The following DCDC2C variants were observed in gnomAD, a reference collection of about 807,000 sequenced individuals.
DCDC2C encodes the protein doublecortin domain-containing protein 2C.
In DCDC2C, 44 loss-of-function variants were observed where a neutral mutation model predicts 45.0. The observed-to-expected ratio is 0.98, with a 90% CI of 0.77 to 1.26. DCDC2C has a LOEUF of 1.26. Among genes scored for constraint, DCDC2C ranks in the 50% most tolerant of loss-of-function variants. The pLI is 0.00. For missense variants in DCDC2C, 447 were observed against 468.9 expected, an observed-to-expected ratio of 0.95 and a Z score of 0.43; for synonymous variants, 187 against 178.8, an observed-to-expected ratio of 1.05 and a Z score of -0.37.
chr2:3,816,255 G>A (rs558675310), intron 10 of DCDC2C, among the ~76,000 whole-genome samples: 2 of 152,256 alleles, frequency 1.3e-5, no homozygotes, highest in African/African-American at 4.8e-5. Context: ...AGAAAAACAG[G>A]AATTAAAGGA....
chr2:3,827,202 G>A (rs1671843732), intron 10 of DCDC2C, among the ~76,000 whole-genome samples: 1 of 152,198 alleles, frequency 6.6e-6, no homozygotes, highest in Non-Finnish European at 1.5e-5. Context: ...GAGGCTGGAA[G>A]GGGAAGAGAT....
Position 3,727,037 on chromosome 2 carries a change from C to T in DCDC2C, c.374C>T (p.Pro125Leu), listed in dbSNP as rs1404746742. ...GTGGTGCATTGTGATATAAATGTGCCTTCCAAGTGGCAAACATATCATCGT... is the reference window on the plus strand; with the variant it reads ...GTGGTGCATTGTGATATAAATGTGCTTTCCAAGTGGCAAACATATCATCGT... Reference protein sequence around the residue: ...KPVVHCDINVPSKWQTYHRIS... With the variant: ...KPVVHCDINVLSKWQTYHRIS... The change falls in exon 3 of 11, where the codon CCT (proline) becomes CTT (leucine). Residue 125 changes from proline to leucine, a missense_variant. Transcript: ENST00000399143. 6.5e-7 allele frequency: 1 copy of T among 1,550,324 alleles called. No homozygotes were observed. Among genetic ancestry groups the T allele is most frequent in the African/African-American group, 1.4e-5 (1 of 72,994 alleles).
intron 10 of DCDC2C, among the ~76,000 whole-genome samples, chr2:3,826,023 T>C (rs1671807841): frequency 6.6e-6 from 1 of 152,184 alleles, no homozygotes; most frequent in African/African-American, 2.4e-5. Flanking sequence ...GAGGGTCTTT[T>C]AAGAAAAAGT....
intron 1 of DCDC2C, among the ~76,000 whole-genome samples, chr2:3,705,326 A>G (rs1028527317): frequency 1.3e-5 from 2 of 152,220 alleles, no homozygotes; most frequent in African/African-American, 4.8e-5. Context: ...ATTTATTACT[A>G]TGATAATCCT....
chr2:3,709,885 T>C (rs1444698879), intron 2 of DCDC2C, among the ~76,000 whole-genome samples: 2 of 152,196 alleles, frequency 1.3e-5, no homozygotes, highest in Admixed American at 6.5e-5. Flanking sequence ...ACTTCTTGTT[T>C]TCTAGTAGAG....
Position 3,742,003 on chromosome 2 carries a change from T to C in DCDC2C, c.500T>C (p.Leu167Pro). ...AGTCTGTCCGATTGGGACATCGTGC[T>C]GGCCACGATCGGAGAAAAAGTCTTC... is the stretch of plus-strand genomic sequence containing the variant. ...KFSLSDWDIV[L>P]ATIGEKVFPL... is the part of the protein sequence containing the mutation. Residue 167 changes from leucine (L) to proline (P), a missense_variant, in exon 4 of 11, where the codon CTG becomes CCG. Physicochemically the swap from Leu to Pro is moderately conservative, Grantham distance 98. Transcript: ENST00000399143. 1.3e-6 allele frequency: 2 copies of C among 1,548,520 alleles called. No homozygotes were observed. The highest frequency in any genetic ancestry group is 1.2e-5 in the South Asian group (1 of 83,200).
intron 4 of DCDC2C, among the ~76,000 whole-genome samples, chr2:3,743,285 G>C (rs1390437198): frequency 6.6e-6 from 1 of 152,062 alleles, no homozygotes; most frequent in Non-Finnish European, 1.5e-5. Flanking sequence ...TGAAGGGAGA[G>C]GTAGACAGCA....
At chr2:3,806,324 G>A (rs1030232582) in intron 10 of DCDC2C, among the ~76,000 whole-genome samples, 8 of 152,182 alleles carry the variant, frequency 5.3e-5, no homozygotes, top group Admixed American at 1.3e-4. Context: ...GAATCCCCAC[G>A]GTTGCTACTG....
Position 3,747,773 on chromosome 2 carries a change from G to A in DCDC2C, c.546-4990G>A, listed in dbSNP as rs149929575. Among the ~76,000 whole-genome samples the A allele has an allele frequency of 2.0e-3, 300 of 152,324 alleles. 2 individuals are homozygous for A. Among genetic ancestry groups the A allele is most frequent in the African/African-American group, 6.9e-3 (285 of 41,576 alleles). On this transcript the variant is annotated intron_variant, in intron 4 of 10. Coordinates refer to ENST00000399143, the MANE Select transcript of DCDC2C (RefSeq NM_001287444.2). Reference sequence around the variant, plus strand: ...TTCCATCTAAGCCCTGAGGGGATGGGGTGAGTATGGTCCTCACAGGGCAGA... The same window carrying A: ...TTCCATCTAAGCCCTGAGGGGATGGAGTGAGTATGGTCCTCACAGGGCAGA...
intron 4 of DCDC2C, 51 bp from the exon 5 acceptor site, chr2:3,752,712 A>T: frequency 1.3e-6 from 2 of 1,543,722 alleles, no homozygotes; most frequent in South Asian, 2.4e-5. Flanking sequence ...CCCAAGCCCT[A>T]TGCTACTGGT....
rs114180540 is a variant in DCDC2C, at chr2:3,703,917, G to C, written c.166G>C (p.Val56Leu). 3.7e-6 allele frequency: 5 copies of C among 1,340,114 alleles called. No individual in the cohort carries two copies. The East Asian group carries it at 1.6e-4, about 42-fold the overall frequency. The allele number at this position is 1,340,114 out of a possible 1,614,324, so 83.0% of individuals were successfully genotyped here. A position where few individuals can be genotyped will look rare whatever the true frequency, so the allele number is the denominator to read the frequency against. The change falls in exon 1 of 11, where the codon GTC (valine) becomes CTC (leucine). Residue 56 changes from valine (V) to leucine (L), a missense_variant. Val to Leu is a conservative substitution (Grantham distance 32). Coordinates refer to ENST00000399143, the MANE Select transcript of DCDC2C (RefSeq NM_001287444.2). The surrounding 1 kb of genome is among the most constrained non-coding windows in gnomAD (Gnocchi z 4.4). Reference protein sequence around the residue: ...LLEQLTEQVDVPFGVRRLFTP... With the variant: ...LLEQLTEQVDLPFGVRRLFTP... ...GGAGCAGCTCACGGAGCAGGTGGACGTCCCGTTCGGCGTGCGCCGCCTCTT... is the reference window on the plus strand; with the variant it reads ...GGAGCAGCTCACGGAGCAGGTGGACCTCCCGTTCGGCGTGCGCCGCCTCTT...
At chr2:3,729,866 T>C (rs528417380) in intron 3 of DCDC2C, among the ~76,000 whole-genome samples, 31 of 152,342 alleles carry the variant, frequency 2.0e-4, no homozygotes, top group Non-Finnish European at 4.0e-4. Flanking sequence ...GGCTTGATGC[T>C]GCTGGACGCA....
intron 4 of DCDC2C, among the ~76,000 whole-genome samples, chr2:3,746,168 C>T (rs991411300): frequency 5.3e-5 from 8 of 152,248 alleles, no homozygotes; most frequent in Admixed American, 3.3e-4. Context: ...AGAGGAAACA[C>T]GTCATGTGAG....
chr2:3,808,442 A>T (rs1362727909), intron 10 of DCDC2C, among the ~76,000 whole-genome samples: 1 of 151,880 alleles, frequency 6.6e-6, no homozygotes, highest in African/African-American at 2.4e-5. Context: ...ACCAGGCTGG[A>T]GTGCAGTGGC....
At chr2:3,733,671 G>A (rs561188352) in intron 3 of DCDC2C, among the ~76,000 whole-genome samples, 90 of 152,280 alleles carry the variant, frequency 5.9e-4, no homozygotes, top group African/African-American at 1.9e-3. Context: ...CATGATGGAC[G>A]GGGCAGACAA....
chr2:3,716,110 G>A (rs1668344602), intron 2 of DCDC2C, among the ~76,000 whole-genome samples: 1 of 152,224 alleles, frequency 6.6e-6, no homozygotes, highest in Non-Finnish European at 1.5e-5. Flanking sequence ...TGATAGCCAT[G>A]AGTTAGGAGG....
At chr2:3,798,017 A>T (rs1671009288) in intron 10 of DCDC2C, among the ~76,000 whole-genome samples, 1 of 152,048 alleles carries the variant, frequency 6.6e-6, no homozygotes, top group African/African-American at 2.4e-5. Context: ...GTCTCTTTGT[A>T]GGTCACTCAG....
At chr2:3,799,923 T>A (rs923210825) in intron 10 of DCDC2C, among the ~76,000 whole-genome samples, 1 of 152,238 alleles carries the variant, frequency 6.6e-6, no homozygotes, top group Non-Finnish European at 1.5e-5. Context: ...GATGCTTTGT[T>A]TACCTAAGCA....
intron 10 of DCDC2C, among the ~76,000 whole-genome samples, chr2:3,840,001 A>G (rs188453080): frequency 6.6e-5 from 10 of 152,228 alleles, no homozygotes; most frequent in Admixed American, 1.3e-4. Flanking sequence ...GCAATACCTG[A>G]AATCAAGGCA....
Sources: allele counts gnomAD v4.1 joint callset (sites outside exome capture counted in the v4.1 genomes callset), GRCh38; gene constraint gnomAD v4.1.1; non-coding constraint Gnocchi (gnomAD v3.1); transcripts MANE v1.5; gene names NCBI Gene and HGNC (gene_info 2026-07-23, HGNC 2026-07-21).